The following ROBO2 variants were observed in gnomAD, a reference collection of about 807,000 sequenced individuals.
The protein encoded by ROBO2 is roundabout homolog 2.
A neutral mutation model predicts 160.8 loss-of-function variants in ROBO2; 53 were observed. That is an observed-to-expected ratio of 0.33 (90% CI 0.26 to 0.41). The LOEUF is 0.41. ROBO2 is among the 10% of genes least tolerant of loss of function. The pLI is 1.00. For missense variants in ROBO2, 1,577 were observed against 1,722.4 expected, an observed-to-expected ratio of 0.92 and a Z score of 1.49; for synonymous variants, 664 against 611.7, an observed-to-expected ratio of 1.09 and a Z score of -1.26.
chr3:77,576,207 A>G (rs894468572), intron 14 of ROBO2, among the ~76,000 whole-genome samples: 1 of 152,152 alleles, frequency 6.6e-6, no homozygotes, highest in African/African-American at 2.4e-5. Context: ...ATATTGTCAC[A>G]AAGAGGAATA....
chr3:76,727,075 T>G (rs1431052048), intron 2 of ROBO2, among the ~76,000 whole-genome samples: 1 of 152,212 alleles, frequency 6.6e-6, no homozygotes, highest in African/African-American at 2.4e-5. Flanking sequence ...ATATCAAAAT[T>G]GAATATTGGT....
chr3:76,394,280 A>C (rs2077307973), intron 2 of ROBO2, among the ~76,000 whole-genome samples: 1 of 152,014 alleles, frequency 6.6e-6, no homozygotes, highest in Non-Finnish European at 1.5e-5. Flanking sequence ...GTTCCTTTCC[A>C]TGTTTAGTGC....
At chr3:77,285,958 A>G (rs527237326) in intron 2 of ROBO2, among the ~76,000 whole-genome samples, 1 of 152,280 alleles carries the variant, frequency 6.6e-6, no homozygotes, top group East Asian at 1.9e-4. Context: ...CAAAAAGTAT[A>G]AAAGCTATGA....
intron 2 of ROBO2, among the ~76,000 whole-genome samples, chr3:75,984,112 T>C (rs1036994456): frequency 1.3e-5 from 2 of 151,498 alleles, no homozygotes; most frequent in Non-Finnish European, 3.0e-5. Flanking sequence ...CACATTTTCA[T>C]AAAGGCCACT....
chr3:76,917,596 A>G (rs1207592301), intron 2 of ROBO2, among the ~76,000 whole-genome samples: 2 of 152,196 alleles, frequency 1.3e-5, no homozygotes, highest in Non-Finnish European at 2.9e-5. Context: ...TTTGGATTCT[A>G]TAACAATTTG....
At chr3:75,984,455 A>C (rs1479258149) in intron 2 of ROBO2, among the ~76,000 whole-genome samples, 1 of 151,508 alleles carries the variant, frequency 6.6e-6, no homozygotes, top group African/African-American at 2.4e-5. Flanking sequence ...TAAACCAATA[A>C]TTAGCATTTG....
chr3:77,502,149 A>T (rs1240965022), intron 5 of ROBO2, among the ~76,000 whole-genome samples: 2 of 152,184 alleles, frequency 1.3e-5, no homozygotes, highest in African/African-American at 4.8e-5. Context: ...GGGACCTAGG[A>T]TGTCTGGCTT....
At chr3:76,482,298 C>G (rs2079253689) in intron 2 of ROBO2, among the ~76,000 whole-genome samples, 1 of 152,098 alleles carries the variant, frequency 6.6e-6, no homozygotes, top group South Asian at 2.1e-4. Context: ...TAGAATCTTA[C>G]AATGGTCCTC....
chr3:77,484,590 A>T (rs910922592), intron 4 of ROBO2, among the ~76,000 whole-genome samples: 1 of 150,984 alleles, frequency 6.6e-6, no homozygotes, highest in Non-Finnish European at 1.5e-5. Flanking sequence ...TTATTCTGGG[A>T]TTTGTTTCCA....
intron 2 of ROBO2, among the ~76,000 whole-genome samples, chr3:77,395,722 A>G (rs2075214780): frequency 1.3e-5 from 2 of 152,134 alleles, no homozygotes. Context: ...TGATAATAAC[A>G]CTTTACTAAA....
At chr3:76,630,630 C>A (rs1254800996) in intron 2 of ROBO2, among the ~76,000 whole-genome samples, 1 of 152,124 alleles carries the variant, frequency 6.6e-6, no homozygotes, top group East Asian at 1.9e-4. Context: ...TGAAAACTTA[C>A]TGTATCATGC....
At chr3:77,160,278 C>T (rs1000729424) in intron 2 of ROBO2, among the ~76,000 whole-genome samples, 16 of 151,914 alleles carry the variant, frequency 1.1e-4, no homozygotes, top group African/African-American at 2.7e-4. Flanking sequence ...TAGCATTTTA[C>T]GTACAAAGGT....
At chr3:76,364,348 C>T (rs1260383741) in intron 2 of ROBO2, among the ~76,000 whole-genome samples, 7 of 151,918 alleles carry the variant, frequency 4.6e-5, no homozygotes, top group Admixed American at 4.6e-4. Context: ...CTGAAATATT[C>T]TTTATTCTTT....
chr3:76,586,505 T>C, intron 2 of ROBO2, among the ~76,000 whole-genome samples: 1 of 152,202 alleles, frequency 6.6e-6, no homozygotes, highest in East Asian at 1.9e-4. Flanking sequence ...CATATATAAC[T>C]TGAAATAGTT....
chr3:76,583,974 A>G (rs2108755689), intron 2 of ROBO2, among the ~76,000 whole-genome samples: 1 of 152,024 alleles, frequency 6.6e-6, no homozygotes, highest in Non-Finnish European at 1.5e-5. Flanking sequence ...TCATGTAAAA[A>G]CCACCTGAAC....
chr3:76,237,798 G>T (rs1401731444), intron 2 of ROBO2, among the ~76,000 whole-genome samples: 1 of 152,210 alleles, frequency 6.6e-6, no homozygotes, highest in Non-Finnish European at 1.5e-5. Context: ...CTTTGGTAGA[G>T]TATGAGATTG....
At chr3:76,812,953 A>G (rs62261802) in intron 2 of ROBO2, among the ~76,000 whole-genome samples, 17,220 of 136,716 alleles carry the variant, frequency 0.13, 1,165 homozygotes, top group East Asian at 0.22. Context: ...CTCATCCATG[A>G]CACAAATCAA....
rs35755828 is a variant in ROBO2 at position 76,079,482 on chromosome 3, G to GTT, written c.109+141894_109+141895dup. On this transcript the variant is annotated intron_variant, in intron 2 of 26. Transcript: ENST00000487694. ...ATTTATTTATTTATTATTATTATTA[G>GTT]TTTTTTTTTTTTTTTGGTGGAGACA... Among the ~76,000 whole-genome samples, 747 of 137,198 alleles carry GTT rather than the reference G, an allele frequency of 5.4e-3. 5 individuals carry two copies. Among genetic ancestry groups the GTT allele is most frequent in the African/African-American group, 1.0e-2 (369 of 37,056 alleles). 90.0% of individuals were successfully genotyped at this position (137,198 alleles called of 152,430 possible).
chr3:76,992,352 T>A (rs2060719525), intron 2 of ROBO2, among the ~76,000 whole-genome samples: 1 of 71,184 alleles, frequency 1.4e-5, no homozygotes, highest in African/African-American at 4.9e-5. Context: ...TATATATATA[T>A]ATATATATAT....
Sources: gnomAD v4.1 joint callset for allele counts (sites outside exome capture counted in the v4.1 genomes callset) on GRCh38, gnomAD v4.1.1 for gene constraint, MANE v1.5 for transcripts, NCBI Gene and HGNC (gene_info 2026-07-23, HGNC 2026-07-21) for gene names.